The following SLC9A3 variants were observed in gnomAD, a reference collection of about 807,000 sequenced individuals.
SLC9A3 encodes the protein solute carrier family 9 member A3, also known as sodium/hydrogen exchanger 3.
A neutral mutation model predicts 86.8 loss-of-function variants in SLC9A3; 37 were observed. The ratio of observed to expected loss-of-function variants is 0.43; its 90% CI spans 0.33 to 0.56. The LOEUF (loss-of-function observed/expected upper bound fraction) is 0.56. Ranked by LOEUF, SLC9A3 falls within the 20% of genes least tolerant of loss-of-function variation. The pLI, the probability that SLC9A3 is intolerant of heterozygous loss-of-function variation, is 0.06. For synonymous variants in SLC9A3, 581 were observed against 528.3 expected (o/e 1.10, Z -1.37); for missense variants, 1,011 against 1,171.9 (o/e 0.86, Z 2.00).
At chr5:511,072 A>C (rs1337225451) in intron 1 of SLC9A3, among the ~76,000 whole-genome samples, 1 of 152,196 alleles carries the variant, frequency 6.6e-6, no homozygotes, top group Non-Finnish European at 1.5e-5. Flanking sequence ...GTGAGATCCC[A>C]AAATATCGAA....
chr5:502,680 A>T (rs1391439855), intron 1 of SLC9A3, among the ~76,000 whole-genome samples: 1 of 152,268 alleles, frequency 6.6e-6, no homozygotes, highest in Non-Finnish European at 1.5e-5. Flanking sequence ...GACAAGCCGC[A>T]GCGGTGGAGT....
intron 1 of SLC9A3, among the ~76,000 whole-genome samples, chr5:495,359 G>A (rs1739976190): frequency 1.4e-5 from 2 of 145,666 alleles, no homozygotes; most frequent in South Asian, 2.2e-4. Flanking sequence ...GCAACTCTGT[G>A]CCCTGGGGAC....
At chr5:524,019 G>A (rs1733961126) in intron 1 of SLC9A3, 93 bp downstream of exon 1, 2 of 848,680 alleles carry the variant, frequency 2.4e-6, no homozygotes, top group African/African-American at 3.6e-5. Context: ...GCGCGGCTCC[G>A]ACCTGATGCG....
rs1740097555 is a variant in SLC9A3 at position 497,868 on chromosome 5, A to T, written c.212-5797T>A. On this transcript the variant is annotated intron_variant, in intron 1 of 16. Transcript: ENST00000264938. This position sits in a 1 kb window ranked among gnomAD's most constrained non-coding sequence, Gnocchi z 5.4. ...GTCCCGGGTGGGGTCGCCCGGCCGC[A>T]TCCCCAGCCTCTGCCCCTGTCCCGG... is the stretch of plus-strand genomic sequence containing the variant. Among the ~76,000 whole-genome samples, 1 of 123,848 alleles carries T rather than the reference A, an allele frequency of 8.1e-6. No individual in the cohort carries two copies. Among genetic ancestry groups the T allele is most frequent in the South Asian group, 3.2e-4 (1 of 3,140 alleles). 81.2% of individuals were successfully genotyped at this position (123,848 alleles called of 152,430 possible). A position where few individuals can be genotyped will look rare whatever the true frequency, so the allele number is the denominator to read the frequency against.
At chr5:484,814 C>T (rs1019833749) in intron 4 of SLC9A3, 117 bp from the exon 5 acceptor site, 4 of 966,116 alleles carry the variant, frequency 4.1e-6, no homozygotes, top group Admixed American at 2.2e-5. Flanking sequence ...GGATCCCTCA[C>T]TCTCTTGGAG....
At chr5:489,159 G>A (rs1739609073) in intron 2 of SLC9A3, among the ~76,000 whole-genome samples, 1 of 152,224 alleles carries the variant, frequency 6.6e-6, no homozygotes, top group African/African-American at 2.4e-5. Context: ...CAGGCTCCAG[G>A]GGACCCTCAG....
At chr5:523,689 C>T (rs573402262) in intron 1 of SLC9A3, among the ~76,000 whole-genome samples, 15 of 152,148 alleles carry the variant, frequency 9.9e-5, no homozygotes, top group Non-Finnish European at 1.5e-4. Context: ...CGGGTAGCAC[C>T]GCTTTTCTTT....
Position 472,781 on chromosome 5 carries a change from C to T in SLC9A3, c.*598G>A, listed in dbSNP as rs1275274777. ...CTGCAGGTCGGGCCCTGAGTCCTGG[C>T]GCTCGGGAGGTCCCTGAGTCGGTCC... On this transcript the variant is annotated 3_prime_UTR_variant, in exon 17 of 17. Coordinates refer to ENST00000264938, the MANE Select transcript of SLC9A3 (RefSeq NM_004174.4). 1 of 582,966 alleles carries T rather than the reference C, an allele frequency of 1.7e-6. No homozygotes were observed. The highest frequency in any genetic ancestry group is 3.2e-6 in the Non-Finnish European group (1 of 308,486). The allele number at this position is 582,966 out of a possible 1,614,324, so 36.1% of individuals were successfully genotyped here. A position where few individuals can be genotyped will look rare whatever the true frequency, so the allele number is the denominator to read the frequency against.
In SLC9A3 at chr5:516,177, C is replaced by G. The variant is rs12110079; in HGVS notation, c.211+7935G>C. 1.5e-3 allele frequency among the ~76,000 whole-genome samples: 233 copies of G among 150,422 alleles called. 1 individual carries two copies. The highest frequency in any genetic ancestry group is 5.6e-3 in the African/African-American group (228 of 40,728). On this transcript the variant is annotated intron_variant, in intron 1 of 16. Coordinates refer to ENST00000264938, the MANE Select transcript of SLC9A3 (RefSeq NM_004174.4). ...CCACAGGGCTGGCTGCCCCCTCTGC[C>G]CCAGGGATGGCTTCCTGACTGTCTT... is the stretch of plus-strand genomic sequence containing the variant.
chr5:508,234 C>G (rs1740703375), intron 1 of SLC9A3, among the ~76,000 whole-genome samples: 1 of 148,586 alleles, frequency 6.7e-6, no homozygotes, highest in African/African-American at 2.5e-5. Flanking sequence ...CAGTCCTCAG[C>G]GCGCCAGGGA....
intron 11 of SLC9A3, 128 bp downstream of exon 11, chr5:477,204 C>T (rs1030598355): frequency 2.0e-5 from 13 of 635,196 alleles, no homozygotes; most frequent in African/African-American, 2.0e-4. Flanking sequence ...ACACCCACCC[C>T]CTCTTTCTGC....
intron 2 of SLC9A3, among the ~76,000 whole-genome samples, chr5:488,814 T>C (rs1425994019): frequency 6.6e-6 from 1 of 151,980 alleles, no homozygotes; most frequent in African/African-American, 2.4e-5. Context: ...TGGAGTGGCG[T>C]CCCAGCCCAG....
At chr5:515,623 C>A (rs1733706672) in intron 1 of SLC9A3, among the ~76,000 whole-genome samples, 1 of 151,868 alleles carries the variant, frequency 6.6e-6, no homozygotes, top group South Asian at 2.1e-4. Context: ...GCTTATCCTC[C>A]ACAGGGTCCC....
At chr5:492,999 C>G (rs2126632249) in intron 1 of SLC9A3, among the ~76,000 whole-genome samples, 1 of 152,344 alleles carries the variant, frequency 6.6e-6, no homozygotes, top group East Asian at 1.9e-4. Flanking sequence ...GGAGCTTCAC[C>G]CCGTCCCCCA....
At position 496,938 on chromosome 5, in the gene SLC9A3, C is replaced by G. The variant is rs1466680083; in HGVS notation, c.212-4867G>C. 6.6e-6 allele frequency among the ~76,000 whole-genome samples: 1 copy of G among 152,024 alleles called. No individual in the cohort carries two copies. The highest frequency in any genetic ancestry group is 1.5e-5 in the Non-Finnish European group (1 of 68,006). On this transcript the variant is annotated intron_variant, in intron 1 of 16. Coordinates refer to ENST00000264938, the MANE Select transcript of SLC9A3 (RefSeq NM_004174.4). The surrounding 1 kb of genome is among the most constrained non-coding windows in gnomAD (Gnocchi z 4.7). The stretch of plus-strand genomic sequence containing the variant: ...GGCATGGTGGCACACAACTGTAGTC[C>G]CAGCTACTCAGGAGGCCGAGGTGGG...
At position 477,376 on chromosome 5, in the gene SLC9A3, G is replaced by C; in HGVS notation, c.1716C>G (p.Phe572Leu). 1 of 1,613,112 alleles carries C rather than the reference G, an allele frequency of 6.2e-7. No homozygotes were observed. The highest frequency in any genetic ancestry group is 8.5e-7 in the Non-Finnish European group (1 of 1,179,690). Residue 572 changes from phenylalanine (F) to leucine (L), a missense_variant, in exon 11 of 17, where the codon TTC (phenylalanine) becomes TTG (leucine). This residue lies in a region of SLC9A3 where 565 missense variants were observed against 790.0 expected (regional missense o/e 0.72). Transcript: ENST00000264938. Reference sequence around the variant, plus strand: ...CCTCCACGGTGGACGATCGTGGCGTGAAGTCCACGTTGACCACGTTGTCGG... The same window carrying C: ...CCTCCACGGTGGACGATCGTGGCGTCAAGTCCACGTTGACCACGTTGTCGG... Reference protein sequence around the residue: ...PSTDNVVNVDFTPRSSTVEAS... With the variant: ...PSTDNVVNVDLTPRSSTVEAS...
chr5:490,293 C>CGGTAGAGTCCAGCGTGGCGAGGGGCAGG (rs1739672645), intron 2 of SLC9A3, among the ~76,000 whole-genome samples: 1 of 75,872 alleles, frequency 1.3e-5, no homozygotes, highest in African/African-American at 6.2e-5. Flanking sequence ...TGTTGGAGGA[C>CGGTAGAGTCCAGCGTGGCGAGGGGCAGG]GGTAGAGTCC....
intron 6 of SLC9A3, 101 bp from the exon 7 acceptor site, chr5:482,851 CGAA>C (rs1739279281): frequency 1.1e-6 from 1 of 893,998 alleles, no homozygotes; most frequent in Non-Finnish European, 1.7e-6. Context: ...CATGTGCTGA[CGAA>C]GAACAGCGGC....
At chr5:488,289 C>G in intron 3 of SLC9A3, 27 bp downstream of exon 3, 1 of 1,611,108 alleles carries the variant, frequency 6.2e-7, no homozygotes, top group Non-Finnish European at 8.5e-7. Flanking sequence ...GGCTCGCCCG[C>G]TCTGGAGCGG....
Sources: gnomAD v4.1 joint callset for allele counts (sites outside exome capture counted in the v4.1 genomes callset) on GRCh38, gnomAD v4.1.1 for gene constraint, gnomAD v4.1.1 regional missense constraint, Gnocchi (gnomAD v3.1) non-coding constraint, MANE v1.5 for transcripts, NCBI Gene and HGNC (gene_info 2026-07-23, HGNC 2026-07-21) for gene names.